ERBB4: variants seen among roughly 807,000 people sequenced by gnomAD.
ERBB4 encodes erb-b2 receptor tyrosine kinase 4.
In ERBB4, 42 loss-of-function variants were observed where a neutral mutation model predicts 158.0. The ratio of observed to expected loss-of-function variants is 0.27; its 90% confidence interval spans 0.21 to 0.34. The LOEUF is 0.34. ERBB4 is among the 10% of genes least tolerant of loss of function. The pLI is 1.00. For synonymous variants in ERBB4, 583 were observed against 558.7 expected, an observed-to-expected ratio of 1.04 and a Z score of -0.61; for missense variants, 1,333 against 1,624.1, an observed-to-expected ratio of 0.82 and a Z score of 3.08.
intron 20 of ERBB4, among the ~76,000 whole-genome samples, chr2:211,483,129 C>T (rs778185044): frequency 6.6e-6 from 1 of 151,594 alleles, no homozygotes; most frequent in Non-Finnish European, 1.5e-5. Flanking sequence ...CAGAAAAAAA[C>T]GAATGAACTT....
chr2:211,925,959 C>A (rs2125088090), intron 3 of ERBB4, among the ~76,000 whole-genome samples: 1 of 152,058 alleles, frequency 6.6e-6, no homozygotes, highest in South Asian at 2.1e-4. Context: ...CCAGATAAAA[C>A]TGAAATGCAG....
At chr2:212,273,930 A>C (rs1359615585) in intron 1 of ERBB4, among the ~76,000 whole-genome samples, 1 of 151,776 alleles carries the variant, frequency 6.6e-6, no homozygotes, top group Non-Finnish European at 1.5e-5. Context: ...ACCCCTGTGC[A>C]CTGGAAAATC....
At chr2:211,480,932 C>A (rs1267710160) in intron 20 of ERBB4, among the ~76,000 whole-genome samples, 1 of 152,178 alleles carries the variant, frequency 6.6e-6, no homozygotes, top group Non-Finnish European at 1.5e-5. Context: ...ATATTCATTA[C>A]AACTGAAATA....
intron 1 of ERBB4, among the ~76,000 whole-genome samples, chr2:212,448,796 C>T (rs1489162966): frequency 6.6e-6 from 1 of 152,014 alleles, no homozygotes; most frequent in East Asian, 1.9e-4. Flanking sequence ...ATATATGCTA[C>T]TTTGTTTATC....
intron 1 of ERBB4, among the ~76,000 whole-genome samples, chr2:212,466,143 A>C (rs1197239084): frequency 2.6e-5 from 4 of 152,230 alleles, no homozygotes; most frequent in South Asian, 2.1e-4. Context: ...GCTTAAAATC[A>C]TAATTATAAT....
rs1479863047 is a variant in ERBB4 at position 211,773,162 on chromosome 2, G to A, written c.556+14863C>T. Among the ~76,000 whole-genome samples, 7 of 150,960 alleles carry A rather than the reference G, an allele frequency of 4.6e-5. No homozygotes were observed. The South Asian group carries it at 6.3e-4, about 14-fold the overall frequency. On this transcript the variant is annotated intron_variant, in intron 4 of 27. Transcript: ENST00000342788. ...AGTTGAGGGAGTGCCTAGCCCAGCTGTGACATGACGGGAGTCCTTGGTAGC... is the reference window on the plus strand; with the variant it reads ...AGTTGAGGGAGTGCCTAGCCCAGCTATGACATGACGGGAGTCCTTGGTAGC...
At chr2:211,585,246 G>C (rs1321346386) in intron 19 of ERBB4, among the ~76,000 whole-genome samples, 12 of 151,964 alleles carry the variant, frequency 7.9e-5, no homozygotes, top group Middle Eastern at 3.4e-3. Flanking sequence ...CAGCTACTCG[G>C]GAGACTGAGG....
chr2:212,045,509 T>C (rs923041044), intron 2 of ERBB4, among the ~76,000 whole-genome samples: 6 of 152,102 alleles, frequency 3.9e-5, no homozygotes, highest in African/African-American at 1.4e-4. Context: ...TTGTTTTTGG[T>C]AATATATAGT....
At chr2:211,985,463 A>G (rs1176875810) in intron 2 of ERBB4, among the ~76,000 whole-genome samples, 1 of 152,198 alleles carries the variant, frequency 6.6e-6, no homozygotes, top group Non-Finnish European at 1.5e-5. Flanking sequence ...GAACAACTCC[A>G]GCAGAACAGC....
intron 1 of ERBB4, among the ~76,000 whole-genome samples, chr2:212,355,313 T>A (rs955130613): frequency 6.6e-6 from 1 of 152,098 alleles, no homozygotes; most frequent in East Asian, 1.9e-4. Context: ...TATTGGGCTA[T>A]AAGCAAACTA....
At chr2:212,103,132 A>C (rs1198046763) in intron 2 of ERBB4, among the ~76,000 whole-genome samples, 3 of 152,104 alleles carry the variant, frequency 2.0e-5, no homozygotes, top group Non-Finnish European at 4.4e-5. Context: ...AGCCACACTG[A>C]ATACTCCATT....
chr2:212,307,166 G>A (rs912779997), intron 1 of ERBB4, among the ~76,000 whole-genome samples: 1 of 151,140 alleles, frequency 6.6e-6, no homozygotes, highest in African/African-American at 2.4e-5. Flanking sequence ...GTCTCTCAAA[G>A]CCTCAGTTTC....
At chr2:211,503,536 G>C (rs2065669754) in intron 20 of ERBB4, among the ~76,000 whole-genome samples, 1 of 152,168 alleles carries the variant, frequency 6.6e-6, no homozygotes, top group Non-Finnish European at 1.5e-5. Context: ...TCCTAGTCCA[G>C]ATCAGGAATG....
intron 25 of ERBB4, among the ~76,000 whole-genome samples, chr2:211,419,388 T>C (rs2125400840): frequency 6.6e-6 from 1 of 152,128 alleles, no homozygotes; most frequent in Non-Finnish European, 1.5e-5. Flanking sequence ...AAGAAAATTA[T>C]GTTTGTTAGA....
At chr2:211,724,683 A>G (rs554412444) in intron 6 of ERBB4, among the ~76,000 whole-genome samples, 1 of 152,264 alleles carries the variant, frequency 6.6e-6, no homozygotes, top group East Asian at 1.9e-4. Flanking sequence ...ACTCATAAGT[A>G]TATCTTCTAT....
intron 25 of ERBB4, 52 bp from the exon 26 acceptor site, chr2:211,388,044 G>C: frequency 7.7e-7 from 1 of 1,305,638 alleles, no homozygotes. Flanking sequence ...CAATATGAAT[G>C]AAAAAATTAA....
chr2:211,780,150 C>T (rs2106298046), intron 4 of ERBB4, among the ~76,000 whole-genome samples: 1 of 152,098 alleles, frequency 6.6e-6, no homozygotes, highest in East Asian at 1.9e-4. Context: ...TAACTTGTGC[C>T]CAGAAGTTGG....
intron 5 of ERBB4, among the ~76,000 whole-genome samples, chr2:211,750,003 GAA>G (rs1312109873): frequency 6.6e-6 from 1 of 151,542 alleles, no homozygotes; most frequent in African/African-American, 2.4e-5. Context: ...ACAACATTAA[GAA>G]TGCTGAAAAA....
At chr2:212,096,764 A>G (rs2078944556) in intron 2 of ERBB4, among the ~76,000 whole-genome samples, 1 of 152,212 alleles carries the variant, frequency 6.6e-6, no homozygotes, top group Admixed American at 6.5e-5. Flanking sequence ...GAGCAGGATA[A>G]GAAAATGTGG....
Sources: gnomAD v4.1 joint callset for allele counts (sites outside exome capture counted in the v4.1 genomes callset) on GRCh38, gnomAD v4.1.1 for gene constraint, MANE v1.5 for transcripts, NCBI Gene and HGNC (gene_info 2026-07-23, HGNC 2026-07-21) for gene names.